Variants in KYNU observed in about 807,000 individuals in gnomAD.
KYNU encodes the protein kynureninase, also known as L-kynurenine hydrolase.
KYNU carries 54 observed loss-of-function variants against 59.2 expected under a neutral mutation model. The observed-to-expected ratio is 0.91, with a 90% confidence interval of 0.73 to 1.14. The LOEUF is 1.14. KYNU is among the 50% of genes most tolerant of loss of function. The probability of loss-of-function intolerance (pLI) is 0.00; values close to 1 mark genes in which losing one functional copy is unlikely to be tolerated. For synonymous variants in KYNU, 177 were observed against 192.0 expected (o/e 0.92, Z 0.65); for missense variants, 567 against 554.4 (o/e 1.02, Z -0.23).
chr2:142,977,050 G>C (rs76664589), intron 8 of KYNU, among the ~76,000 whole-genome samples: 5,294 of 152,138 alleles, frequency 0.035, 303 homozygotes, highest in African/African-American at 0.12. Context: ...AGGCTTCAGA[G>C]GGAATAGAAT....
At chr2:142,880,205 G>A (rs1681244925) in intron 1 of KYNU, among the ~76,000 whole-genome samples, 1 of 152,212 alleles carries the variant, frequency 6.6e-6, no homozygotes, top group Admixed American at 6.5e-5. Context: ...GTTCAGTTCA[G>A]TAGGGTAGAA....
intron 2 of KYNU, among the ~76,000 whole-genome samples, chr2:142,898,237 G>T (rs1681949078): frequency 6.6e-6 from 1 of 151,954 alleles, no homozygotes; most frequent in African/African-American, 2.4e-5. Flanking sequence ...CTTCCACAGA[G>T]ATGTTTTATT....
chr2:142,916,534 C>A (rs1682673847), intron 2 of KYNU, among the ~76,000 whole-genome samples: 1 of 152,082 alleles, frequency 6.6e-6, no homozygotes, highest in Admixed American at 6.6e-5. Context: ...GGTTACAGAT[C>A]CTGCCTGCTG....
At chr2:142,976,530 A>G (rs541959987) in intron 8 of KYNU, among the ~76,000 whole-genome samples, 2 of 152,284 alleles carry the variant, frequency 1.3e-5, no homozygotes, top group African/African-American at 4.8e-5. Flanking sequence ...TTGTTGTGTA[A>G]AGGTTTTTTG....
At chr2:142,881,913 TTTC>T (rs1681312867) in intron 1 of KYNU, among the ~76,000 whole-genome samples, 2 of 133,286 alleles carry the variant, frequency 1.5e-5, no homozygotes, top group Admixed American at 8.2e-5. Context: ...TCTTTTCTTT[TTTC>T]TTTTTTTTTT....
At chr2:142,928,235 T>C (rs1458829694) in intron 4 of KYNU, among the ~76,000 whole-genome samples, 1 of 152,208 alleles carries the variant, frequency 6.6e-6, no homozygotes, top group Non-Finnish European at 1.5e-5. Flanking sequence ...TAGTCTAAAA[T>C]GTGCTATCCT....
chr2:142,897,739 C>G (rs991344089), intron 2 of KYNU, among the ~76,000 whole-genome samples: 3 of 152,024 alleles, frequency 2.0e-5, no homozygotes, highest in African/African-American at 7.2e-5. Flanking sequence ...CTCAAATGAA[C>G]AGTCATAATA....
chr2:142,897,468 T>A (rs35534229), intron 2 of KYNU, among the ~76,000 whole-genome samples: 21,264 of 152,156 alleles, frequency 0.14, 2,417 homozygotes, highest in African/African-American at 0.31. Flanking sequence ...ATTGGGAAAG[T>A]TTTATAATTA....
chr2:143,034,180 A>C (rs1323824117), intron 12 of KYNU, among the ~76,000 whole-genome samples: 1 of 151,380 alleles, frequency 6.6e-6, no homozygotes, highest in Non-Finnish European at 1.5e-5. Context: ...GTAAATATAT[A>C]AAGTAATTGT....
chr2:142,895,896 T>C lies in KYNU; in HGVS notation c.169+10360T>C, dbSNP rs530044556. On this transcript the variant is annotated intron_variant, in intron 2 of 13. Coordinates refer to ENST00000264170, the MANE Select transcript of KYNU (RefSeq NM_003937.3). ...GATGAGGTTTCACTGTGTTGCCTAGTCTAATCTTGAACAAAGCTCAAGCAG... is the reference window on the plus strand; with the variant it reads ...GATGAGGTTTCACTGTGTTGCCTAGCCTAATCTTGAACAAAGCTCAAGCAG... Among the ~76,000 whole-genome samples the C allele has an allele frequency of 3.1e-4, 47 of 152,100 alleles. 1 individual carries two copies. Among genetic ancestry groups the C allele is most frequent in the Non-Finnish European group, 4.9e-4 (33 of 68,022 alleles).
chr2:142,999,064 T>A (rs1685633504), intron 10 of KYNU, among the ~76,000 whole-genome samples: 1 of 151,142 alleles, frequency 6.6e-6, no homozygotes, highest in African/African-American at 2.4e-5. Flanking sequence ...CTTAGCCTAT[T>A]CTAGTCTATC....
chr2:142,884,160 T>C lies in KYNU; in HGVS notation c.-19-1189T>C, dbSNP rs970463659. On this transcript the variant is annotated intron_variant, in intron 1 of 13. Coordinates refer to ENST00000264170, the MANE Select transcript of KYNU (RefSeq NM_003937.3). ...TGCATGATGATTAAACAGAATACAATGTGGTTTCAAGAAACATCACACAAT... is the reference window on the plus strand; with the variant it reads ...TGCATGATGATTAAACAGAATACAACGTGGTTTCAAGAAACATCACACAAT... 2.0e-5 allele frequency among the ~76,000 whole-genome samples: 3 copies of C among 152,342 alleles called. No individual in the cohort carries two copies. The South Asian group carries it at 6.2e-4, about 32-fold the overall frequency.
intron 2 of KYNU, among the ~76,000 whole-genome samples, chr2:142,906,767 C>T (rs1682310917): frequency 6.6e-6 from 1 of 152,176 alleles, no homozygotes; most frequent in Non-Finnish European, 1.5e-5. Flanking sequence ...GGGGCGCACA[C>T]ATGGGCGACT....
At chr2:143,019,961 G>A (rs1461657161) in intron 10 of KYNU, among the ~76,000 whole-genome samples, 2 of 151,620 alleles carry the variant, frequency 1.3e-5, no homozygotes, top group Non-Finnish European at 2.9e-5. Context: ...TATTTCTGTG[G>A]TATCAGTTGT....
intron 2 of KYNU, among the ~76,000 whole-genome samples, chr2:142,911,985 T>A (rs904976110): frequency 6.6e-6 from 1 of 150,552 alleles, no homozygotes; most frequent in Non-Finnish European, 1.5e-5. Flanking sequence ...AATGGGGATA[T>A]TGACCCGTAA....
At chr2:143,025,157 G>T (rs1421357627) in intron 10 of KYNU, among the ~76,000 whole-genome samples, 6 of 151,608 alleles carry the variant, frequency 4.0e-5, no homozygotes, top group Non-Finnish European at 8.8e-5. Flanking sequence ...TTTTCCAAAC[G>T]CATGGAATAT....
At position 143,016,542 on chromosome 2, in the gene KYNU, A is replaced by G. The variant is rs146177421; in HGVS notation, c.903-13085A>G. On this transcript the variant is annotated intron_variant, in intron 10 of 13. Transcript: ENST00000264170. ...TCCATTATGATTAGCTTGACATCTC[A>G]TACAAACAACTGTGTCAAAATTTTT... 1.3e-5 allele frequency among the ~76,000 whole-genome samples: 2 copies of G among 152,268 alleles called. 1 individual carries two copies. Among genetic ancestry groups the G allele is most frequent in the East Asian group, 3.9e-4 (2 of 5,176 alleles).
At chr2:143,035,830 T>C (rs1686879068) in intron 12 of KYNU, among the ~76,000 whole-genome samples, 1 of 152,202 alleles carries the variant, frequency 6.6e-6, no homozygotes, top group South Asian at 2.1e-4. Flanking sequence ...TAGAGTGCAG[T>C]GATGGGATCT....
chr2:142,879,576 G>A (rs1436940306), intron 1 of KYNU: 3 of 152,390 alleles, frequency 2.0e-5, no homozygotes, highest in Admixed American at 2.0e-4. Context: ...AAAGTGAGAG[G>A]TTCAAGGCTT....
Sources: allele counts gnomAD v4.1 joint callset (sites outside exome capture counted in the v4.1 genomes callset), GRCh38; gene constraint gnomAD v4.1.1; transcripts MANE v1.5; gene names NCBI Gene and HGNC (gene_info 2026-07-23, HGNC 2026-07-21).